The following DCDC1 variants were observed in gnomAD, a reference collection of about 807,000 sequenced individuals.
DCDC1 encodes the protein doublecortin domain containing 1.
In DCDC1, 200 loss-of-function variants were observed where a neutral mutation model predicts 178.3. That is an observed-to-expected ratio of 1.12 (90% confidence interval 1.00 to 1.26). The LOEUF (loss-of-function observed/expected upper bound fraction) is 1.26. Among genes scored for constraint, DCDC1 ranks in the 50% most tolerant of loss-of-function variants. The pLI is 0.00. For synonymous variants in DCDC1, 690 were observed against 604.8 expected (o/e 1.14, Z -2.07); for missense variants, 1,983 against 1,749.2 (o/e 1.13, Z -2.38).
chr11:31,307,511 C>A, intron 4 of DCDC1, 128 bp downstream of exon 4: 2 of 1,328,466 alleles, frequency 1.5e-6, no homozygotes, highest in South Asian at 1.5e-5. Flanking sequence ...AAAACAAAAA[C>A]AAAAACAAAA....
At chr11:30,878,782 T>G in intron 37 of DCDC1, 71 bp from the exon 38 acceptor site, 1 of 1,440,202 alleles carries the variant, frequency 6.9e-7, no homozygotes, top group Non-Finnish European at 9.2e-7. Context: ...AAGTCCAGGA[T>G]GATGAAAAAC....
At chr11:31,039,750 T>C (rs1954309356) in intron 20 of DCDC1, among the ~76,000 whole-genome samples, 1 of 152,162 alleles carries the variant, frequency 6.6e-6, no homozygotes, top group Admixed American at 6.5e-5. Flanking sequence ...TTACAGAAGC[T>C]GACTGAAAAT....
At chr11:31,364,130 G>A (rs1362967807) in intron 1 of DCDC1, among the ~76,000 whole-genome samples, 1 of 152,150 alleles carries the variant, frequency 6.6e-6, no homozygotes, top group Non-Finnish European at 1.5e-5. Flanking sequence ...AGTGTTCTGA[G>A]CACAATTAAA....
In DCDC1 at chr11:30,929,704, G is replaced by A. The variant is rs1487891671; in HGVS notation, c.2897+2067C>T. On this transcript the variant is annotated intron_variant, in intron 22 of 38. Coordinates refer to ENST00000684477, the MANE Select transcript of DCDC1 (RefSeq NM_001387274.1). The stretch of plus-strand genomic sequence containing the variant: ...AATTTACTTCAAAGCCTCATCTGGG[G>A]CCTTTCCTCTTAAAATTCCTTAAAT... 2.6e-5 allele frequency among the ~76,000 whole-genome samples: 4 copies of A among 151,982 alleles called. No individual in the cohort carries two copies. The East Asian group carries it at 7.7e-4, about 29-fold the overall frequency.
At chr11:31,001,228 T>C (rs962642741) in intron 20 of DCDC1, among the ~76,000 whole-genome samples, 2 of 152,198 alleles carry the variant, frequency 1.3e-5, no homozygotes, top group African/African-American at 4.8e-5. Context: ...ATTATCATTA[T>C]TTTTTCAATG....
chr11:30,908,872 A>C, intron 29 of DCDC1, 74 bp downstream of exon 29: 2 of 1,394,130 alleles, frequency 1.4e-6, no homozygotes, highest in South Asian at 1.7e-5. Flanking sequence ...TAGGGAAAAA[A>C]ATTTTCTCAT....
chr11:31,047,019 C>A lies in DCDC1; in HGVS notation c.2591+17450G>T, dbSNP rs7115045. 1.3e-5 allele frequency among the ~76,000 whole-genome samples: 2 copies of A among 152,090 alleles called. 1 individual carries two copies. Among genetic ancestry groups the A allele is most frequent in the South Asian group, 4.1e-4 (2 of 4,822 alleles). On this transcript the variant is annotated intron_variant, in intron 20 of 38. Coordinates refer to ENST00000684477, the MANE Select transcript of DCDC1 (RefSeq NM_001387274.1). ...AGACCCTTCTCTTCCACAATGTCTT[C>A]CAAACACACAGCCATCCATTCTTTC... is the stretch of plus-strand genomic sequence containing the variant.
chr11:30,922,682 C>T, intron 23 of DCDC1, 44 bp from the exon 24 acceptor site: 3 of 1,444,698 alleles, frequency 2.1e-6, no homozygotes, highest in Non-Finnish European at 2.7e-6. Flanking sequence ...ATTGTCACAG[C>T]AGCATTATCT....
At chr11:31,088,652 T>A (rs999887449) in intron 17 of DCDC1, among the ~76,000 whole-genome samples, 1 of 152,192 alleles carries the variant, frequency 6.6e-6, no homozygotes, top group Non-Finnish European at 1.5e-5. Flanking sequence ...ATTATTATTA[T>A]CACTATTGCT....
chr11:30,876,573 A>G (rs1044960178), intron 38 of DCDC1, among the ~76,000 whole-genome samples: 2 of 152,214 alleles, frequency 1.3e-5, no homozygotes, highest in Admixed American at 6.5e-5. Context: ...AGAAAAGTTC[A>G]GTTAAGACTT....
intron 16 of DCDC1, among the ~76,000 whole-genome samples, chr11:31,092,773 A>C (rs1438290636): frequency 6.6e-6 from 1 of 152,176 alleles, no homozygotes; most frequent in Non-Finnish European, 1.5e-5. Context: ...TTTTGATAGA[A>C]CACCAAGGCC....
chr11:31,157,857 C>T (rs1201987203), intron 9 of DCDC1, among the ~76,000 whole-genome samples: 1 of 151,994 alleles, frequency 6.6e-6, no homozygotes, highest in Non-Finnish European at 1.5e-5. Flanking sequence ...TGGTATTTTA[C>T]TACAATAAAA....
chr11:31,004,681 C>CAA (rs201483189), intron 20 of DCDC1, among the ~76,000 whole-genome samples: 121 of 71,862 alleles, frequency 1.7e-3, no homozygotes, highest in East Asian at 2.2e-3. Context: ...CACTCTGTCT[C>CAA]AAAAAAAAAA....
intron 9 of DCDC1, among the ~76,000 whole-genome samples, chr11:31,145,046 T>C (rs1405613476): frequency 6.6e-6 from 1 of 152,166 alleles, no homozygotes; most frequent in African/African-American, 2.4e-5. Flanking sequence ...AGTAAAAAAA[T>C]GCCTCCAACA....
chr11:31,086,306 C>T (rs1590993865), intron 17 of DCDC1, among the ~76,000 whole-genome samples: 1 of 152,146 alleles, frequency 6.6e-6, no homozygotes, highest in South Asian at 2.1e-4. Context: ...TGTAGTGATG[C>T]TTCATTGTAG....
chr11:31,260,137 G>A (rs948535173), intron 8 of DCDC1, among the ~76,000 whole-genome samples: 1 of 152,138 alleles, frequency 6.6e-6, no homozygotes, highest in Non-Finnish European at 1.5e-5. Context: ...CTCCAATCAG[G>A]CATCCAGAAG....
At chr11:31,140,646 C>T (rs980828935) in intron 9 of DCDC1, among the ~76,000 whole-genome samples, 3 of 151,974 alleles carry the variant, frequency 2.0e-5, no homozygotes, top group South Asian at 2.1e-4. Flanking sequence ...AAACAAGAAA[C>T]ATAATGGCTC....
At chr11:31,306,598 G>A (rs1948478445) in intron 4 of DCDC1, among the ~76,000 whole-genome samples, 1 of 151,808 alleles carries the variant, frequency 6.6e-6, no homozygotes, top group South Asian at 2.1e-4. Flanking sequence ...TTAAAACACA[G>A]TGTTTGCCAA....
chr11:31,288,427 C>T (rs1946993144), intron 7 of DCDC1, among the ~76,000 whole-genome samples: 1 of 151,886 alleles, frequency 6.6e-6, no homozygotes, highest in African/African-American at 2.4e-5. Flanking sequence ...CATTTTGGCC[C>T]TCATTTCAAA....
Sources: gnomAD v4.1 joint callset for allele counts (sites outside exome capture counted in the v4.1 genomes callset) on GRCh38, gnomAD v4.1.1 for gene constraint, MANE v1.5 for transcripts, NCBI Gene and HGNC (gene_info 2026-07-23, HGNC 2026-07-21) for gene names.